Variants in SPOPL observed in about 807,000 individuals in gnomAD.
SPOPL encodes the protein speckle type BTB/POZ protein like, also known as speckle-type POZ protein-like.
A neutral mutation model predicts 53.8 loss-of-function variants in SPOPL; 23 were observed. The ratio of observed to expected loss-of-function variants is 0.43; its 90% CI spans 0.31 to 0.61. SPOPL has a LOEUF of 0.61. Among genes scored for constraint, SPOPL ranks in the 20% least tolerant of loss-of-function variants. The probability of loss-of-function intolerance (pLI) is 0.12; values close to 1 mark genes in which losing one functional copy is unlikely to be tolerated. For missense variants in SPOPL, 442 were observed against 466.9 expected (o/e 0.95, Z 0.49); for synonymous variants, 164 against 149.7 (o/e 1.10, Z -0.70).
Position 138,561,017 on chromosome 2 carries a change from G to A in SPOPL, c.837+90G>A, listed in dbSNP as rs893678591. On this transcript the variant is annotated intron_variant, in intron 8 of 10. Coordinates refer to ENST00000280098, the MANE Select transcript of SPOPL (RefSeq NM_001001664.3). ...ATCAAATGAAAACTCCAAATAACTC[G>A]TATTTTGTAGATGGCTCTTGAGAGC... The A allele has an allele frequency of 3.0e-5, 44 of 1,449,226 alleles. No homozygotes were observed. In the South Asian group the frequency reaches 3.4e-4, roughly 11 times the overall value. 89.8% of individuals were successfully genotyped at this position (1,449,226 alleles called of 1,614,324 possible). A position where few individuals can be genotyped will look rare whatever the true frequency, so the allele number is the denominator to read the frequency against.
At chr2:138,537,928 A>G (rs1684972448) in intron 1 of SPOPL, among the ~76,000 whole-genome samples, 1 of 152,068 alleles carries the variant, frequency 6.6e-6, no homozygotes, top group East Asian at 1.9e-4. Context: ...AGTTTTTTTC[A>G]TTAGTGGTTC....
chr2:138,519,955 A>G (rs1052927905), intron 1 of SPOPL, among the ~76,000 whole-genome samples: 4 of 152,150 alleles, frequency 2.6e-5, no homozygotes, highest in Non-Finnish European at 2.9e-5. Flanking sequence ...TTACCCAGGA[A>G]AATGGTATAG....
At chr2:138,560,702 A>G (rs1205646566) in intron 7 of SPOPL, 103 bp from the exon 8 acceptor site, 7 of 1,243,974 alleles carry the variant, frequency 5.6e-6, no homozygotes, top group South Asian at 1.5e-5. Flanking sequence ...ACACTATTTT[A>G]GTGTAGATTT....
chr2:138,554,435 A>T, intron 5 of SPOPL: 1 of 1,227,552 alleles, frequency 8.1e-7, no homozygotes. Flanking sequence ...CCTTCCTTCT[A>T]CAGAATCTCC....
chr2:138,523,630 G>A (rs1236631366), intron 1 of SPOPL, among the ~76,000 whole-genome samples: 1 of 152,142 alleles, frequency 6.6e-6, no homozygotes, highest in East Asian at 1.9e-4. Flanking sequence ...CAGGCATTGG[G>A]TAAATATAGC....
intron 1 of SPOPL, among the ~76,000 whole-genome samples, chr2:138,541,750 G>A (rs1305866503): frequency 1.3e-5 from 2 of 152,098 alleles, no homozygotes; most frequent in Non-Finnish European, 1.5e-5. Context: ...GTTCTGCTCT[G>A]ATCTTAGATA....
chr2:138,566,805 A>G (rs1685669051), intron 10 of SPOPL, among the ~76,000 whole-genome samples: 1 of 152,230 alleles, frequency 6.6e-6, no homozygotes, highest in East Asian at 1.9e-4. Context: ...ATATATAAAT[A>G]TATCATTTCA....
intron 1 of SPOPL, among the ~76,000 whole-genome samples, chr2:138,545,468 C>G (rs1685172915): frequency 6.6e-6 from 1 of 151,706 alleles, no homozygotes; most frequent in Non-Finnish European, 1.5e-5. Context: ...GAGTCTTGCT[C>G]TGTCGCCCAG....
chr2:138,540,638 T>A (rs2104882163), intron 1 of SPOPL, among the ~76,000 whole-genome samples: 1 of 152,328 alleles, frequency 6.6e-6, no homozygotes, highest in Non-Finnish European at 1.5e-5. Flanking sequence ...TAAGGAGATT[T>A]GGGGCTGAGA....
At chr2:138,532,522 G>A (rs895804629) in intron 1 of SPOPL, among the ~76,000 whole-genome samples, 2 of 145,068 alleles carry the variant, frequency 1.4e-5, no homozygotes, top group African/African-American at 5.1e-5. Flanking sequence ...TGCCTCCCGG[G>A]TTCACACCAT....
chr2:138,532,270 T>C (rs969617966), intron 1 of SPOPL, among the ~76,000 whole-genome samples: 4 of 152,176 alleles, frequency 2.6e-5, no homozygotes, highest in African/African-American at 9.7e-5. Flanking sequence ...GCCAACAGAA[T>C]CTTTGCTGAT....
chr2:138,509,398 ATTATT>A (rs978792753), intron 1 of SPOPL, among the ~76,000 whole-genome samples: 28 of 152,330 alleles, frequency 1.8e-4, no homozygotes, highest in African/African-American at 4.8e-4. Flanking sequence ...CTTTTGAAAT[ATTATT>A]TTATAGGTAT....
rs960260548 is a variant in SPOPL, at chr2:138,569,641, A to T, written c.*561A>T. ...TCAATTCTAATTTATTTTTCATTTC[A>T]GGGGGCAAATATGCAATGAGTTGGC... On this transcript the variant is annotated 3_prime_UTR_variant, in exon 11 of 11. Coordinates refer to ENST00000280098, the MANE Select transcript of SPOPL (RefSeq NM_001001664.3). 6.6e-6 allele frequency: 1 copy of T among 152,166 alleles called. No individual in the cohort carries two copies. The highest frequency in any genetic ancestry group is 2.4e-5 in the African/African-American group (1 of 41,426). The allele number at this position is 152,166 out of a possible 1,614,324, so 9.4% of individuals were successfully genotyped here.
intron 1 of SPOPL, among the ~76,000 whole-genome samples, chr2:138,533,540 T>G (rs549646404): frequency 9.9e-5 from 15 of 152,272 alleles, no homozygotes; most frequent in African/African-American, 3.1e-4. Context: ...GTTCATTGTA[T>G]TTCCCTAAAG....
chr2:138,554,419 G>A (rs977959981), intron 5 of SPOPL: 7 of 1,207,482 alleles, frequency 5.8e-6, no homozygotes, highest in African/African-American at 1.6e-5. Flanking sequence ...CCCCGCTCAC[G>A]GATGCCCTTC....
At chr2:138,511,680 A>G (rs1684328255) in intron 1 of SPOPL, among the ~76,000 whole-genome samples, 1 of 152,240 alleles carries the variant, frequency 6.6e-6, no homozygotes, top group Admixed American at 6.5e-5. Flanking sequence ...AAATGTTAAA[A>G]TGTGACAAAA....
rs112306139 is a variant in SPOPL at position 138,541,036 on chromosome 2, G to A, written c.-60-9121G>A. Among the ~76,000 whole-genome samples the A allele has an allele frequency of 6.3e-3, 965 of 152,200 alleles. 5 individuals carry two copies. The highest frequency in any genetic ancestry group is 0.022 in the African/African-American group (923 of 41,518). ...TTTTCATTGTTTCTGTTTATATGCT[G>A]GATTACGTTTATTGATTTGCATATG... On this transcript the variant is annotated intron_variant, in intron 1 of 10. Coordinates refer to ENST00000280098, the MANE Select transcript of SPOPL (RefSeq NM_001001664.3).
At chr2:138,526,729 T>G (rs1684684753) in intron 1 of SPOPL, among the ~76,000 whole-genome samples, 1 of 143,516 alleles carries the variant, frequency 7.0e-6, no homozygotes, top group South Asian at 2.1e-4. Context: ...AGTATGGAAT[T>G]TTTTTTTTTT....
At chr2:138,531,353 T>C (rs1358712403) in intron 1 of SPOPL, among the ~76,000 whole-genome samples, 1 of 152,114 alleles carries the variant, frequency 6.6e-6, no homozygotes, top group Non-Finnish European at 1.5e-5. Context: ...AACCTTAGAA[T>C]ACCTTTTTCC....
Sources: allele counts gnomAD v4.1 joint callset (sites outside exome capture counted in the v4.1 genomes callset), GRCh38; gene constraint gnomAD v4.1.1; transcripts MANE v1.5; gene names NCBI Gene and HGNC (gene_info 2026-07-23, HGNC 2026-07-21).